Variants in ZFYVE9 observed in about 807,000 individuals in gnomAD.
The protein encoded by ZFYVE9 is zinc finger FYVE domain-containing protein 9.
Under a neutral mutation model 126.7 loss-of-function variants are expected in ZFYVE9, and 43 were observed. That is an observed-to-expected ratio of 0.34 (90% CI 0.27 to 0.44). ZFYVE9 has a LOEUF of 0.44. Ranked by LOEUF, ZFYVE9 falls within the 20% of genes least tolerant of loss-of-function variation. The pLI, the probability that ZFYVE9 is intolerant of heterozygous loss-of-function variation, is 1.00. For synonymous variants in ZFYVE9, 521 were observed against 597.4 expected, an observed-to-expected ratio of 0.87 and a Z score of 1.87; for missense variants, 1,476 against 1,697.0, an observed-to-expected ratio of 0.87 and a Z score of 2.29.
At chr1:52,216,502 A>C in intron 2 of ZFYVE9, 28 bp downstream of exon 2, 1 of 398,442 alleles carries the variant, frequency 2.5e-6, no homozygotes, top group South Asian at 1.3e-4. Flanking sequence ...TTTCTCTTAG[A>C]GATTGAACTT....
chr1:52,297,510 A>T (rs1161759258), intron 12 of ZFYVE9, among the ~76,000 whole-genome samples: 1 of 151,546 alleles, frequency 6.6e-6, no homozygotes, highest in Non-Finnish European at 1.5e-5. Flanking sequence ...AAGTGCTGGG[A>T]TTACAGGCAT....
chr1:52,268,540 A>G lies in ZFYVE9; in HGVS notation c.2533A>G (p.Lys845Glu), dbSNP rs911800335. 8 of 1,614,214 alleles carry G rather than the reference A, an allele frequency of 5.0e-6. No individual in the cohort carries two copies. The Admixed American group carries it at 1.2e-4, about 24-fold the overall frequency. ...CAATGGAGAAGTTGCTGATGCAGCC[A>G]AATTAACAATGAATGGAACTTCCTC... ...LPNGEVADAA[K>E]LTMNGTSSAG... The change falls in exon 7 of 19, where the codon AAA (lysine) becomes GAA (glutamate). Residue 845 changes from lysine to glutamate, a missense_variant. This residue lies in a region of ZFYVE9 where 669 missense variants were observed against 902.4 expected (regional missense o/e 0.74). Transcript: ENST00000287727.
At chr1:52,210,559 A>G (rs1187612216) in intron 1 of ZFYVE9, among the ~76,000 whole-genome samples, 1 of 152,176 alleles carries the variant, frequency 6.6e-6, no homozygotes, top group Non-Finnish European at 1.5e-5. Flanking sequence ...CTGCTGTTCC[A>G]TTTGAATTAC....
At chr1:52,148,419 C>T (rs151240627) in intron 1 of ZFYVE9, among the ~76,000 whole-genome samples, 7,983 of 151,598 alleles carry the variant, frequency 0.053, 227 homozygotes, top group South Asian at 0.074. Context: ...ACCAGGGAGG[C>T]GGAGGTTGCA....
At chr1:52,331,843 A>G (rs989422940) in intron 13 of ZFYVE9, among the ~76,000 whole-genome samples, 2 of 139,356 alleles carry the variant, frequency 1.4e-5, no homozygotes, top group African/African-American at 2.7e-5. Flanking sequence ...CAGTGGTGCG[A>G]TCTTGGCTCA....
intron 13 of ZFYVE9, among the ~76,000 whole-genome samples, chr1:52,312,925 T>A (rs1172667838): frequency 6.6e-6 from 1 of 152,106 alleles, no homozygotes; most frequent in Non-Finnish European, 1.5e-5. Context: ...ACAAAGGTAA[T>A]CAAGTTTAAA....
rs1213905255 is a variant in ZFYVE9, at chr1:52,216,459, G to T, written c.-52G>T. 2 of 398,362 alleles carry T rather than the reference G, an allele frequency of 5.0e-6. No individual in the cohort carries two copies. Among genetic ancestry groups the T allele is most frequent in the East Asian group, 7.1e-5 (2 of 28,088 alleles). The allele number at this position is 398,362 out of a possible 1,614,324, so 24.7% of individuals were successfully genotyped here. On this transcript the variant is annotated 5_prime_UTR_variant, in exon 2 of 19. Transcript: ENST00000287727. ...CCGAGAAGTCTGTTCCTTATCACGT[G>T]TGTAAGGGGAAAAAGGTAAGAAAAT...
At chr1:52,175,936 T>C (rs1644623206) in intron 1 of ZFYVE9, among the ~76,000 whole-genome samples, 1 of 152,212 alleles carries the variant, frequency 6.6e-6, no homozygotes, top group South Asian at 2.1e-4. Flanking sequence ...TTGCCTTTGG[T>C]TTGAATTTCC....
intron 9 of ZFYVE9, among the ~76,000 whole-genome samples, chr1:52,280,100 G>C (rs953149129): frequency 6.6e-6 from 1 of 151,722 alleles, no homozygotes; most frequent in Non-Finnish European, 1.5e-5. Flanking sequence ...CCTAAGACCA[G>C]GCACCATGGT....
chr1:52,193,504 C>G (rs1401210578), intron 1 of ZFYVE9, among the ~76,000 whole-genome samples: 1 of 150,588 alleles, frequency 6.6e-6, no homozygotes, highest in Admixed American at 6.6e-5. Flanking sequence ...GTCAGGAGAT[C>G]GAGACCAGCC....
intron 1 of ZFYVE9, among the ~76,000 whole-genome samples, chr1:52,167,189 A>G (rs2124519345): frequency 6.6e-6 from 1 of 152,316 alleles, no homozygotes; most frequent in South Asian, 2.1e-4. Context: ...AGGCAGCTGC[A>G]GTTGCTCTGT....
At chr1:52,325,630 AG>A (rs1177442710) in intron 13 of ZFYVE9, among the ~76,000 whole-genome samples, 1 of 152,254 alleles carries the variant, frequency 6.6e-6, no homozygotes, top group East Asian at 1.9e-4. Context: ...ATTAACTCTC[AG>A]TATAGTTTTA....
intron 10 of ZFYVE9, among the ~76,000 whole-genome samples, chr1:52,292,469 CTTTTTTT>C (rs1159852399): frequency 8.8e-5 from 9 of 101,996 alleles, no homozygotes; most frequent in South Asian, 3.1e-4. Flanking sequence ...CTGAACATTT[CTTTTTTT>C]TTTTTTTTTT....
chr1:52,253,087 G>A (rs1645468313), intron 4 of ZFYVE9, among the ~76,000 whole-genome samples: 1 of 152,160 alleles, frequency 6.6e-6, no homozygotes, highest in African/African-American at 2.4e-5. Flanking sequence ...CAGGGTAATC[G>A]AGGCTGCAGT....
At chr1:52,276,916 A>C (rs906640830) in intron 8 of ZFYVE9, among the ~76,000 whole-genome samples, 3 of 152,220 alleles carry the variant, frequency 2.0e-5, no homozygotes, top group Admixed American at 6.5e-5. Context: ...TGCTCCTTGC[A>C]TGGTGCTAGG....
At position 52,261,506 on chromosome 1, in the gene ZFYVE9, T is replaced by C. The variant is rs1324129594; in HGVS notation, c.2179-2267T>C. Among the ~76,000 whole-genome samples, 4 of 152,224 alleles carry C rather than the reference T, an allele frequency of 2.6e-5. No individual in the cohort carries two copies. The East Asian group carries it at 5.8e-4, about 22-fold the overall frequency. On this transcript the variant is annotated intron_variant, in intron 4 of 18. Transcript: ENST00000287727. ...CGTTTTGTTTTCTGCCACATCCCCA[T>C]TGGGTAGCTTGGTGCCCAGTACATA...
intron 1 of ZFYVE9, among the ~76,000 whole-genome samples, chr1:52,166,687 A>T (rs980137540): frequency 6.6e-6 from 1 of 152,058 alleles, no homozygotes; most frequent in Non-Finnish European, 1.5e-5. Flanking sequence ...CCAAGGTAGG[A>T]GCATTGCTTG....
At chr1:52,256,048 TC>T (rs1222914813) in intron 4 of ZFYVE9, among the ~76,000 whole-genome samples, 1 of 147,980 alleles carries the variant, frequency 6.8e-6, no homozygotes, top group Non-Finnish European at 1.5e-5. Context: ...TTTCTTTCTC[TC>T]TCTCTCTCTC....
chr1:52,206,699 G>A (rs1644981078), intron 1 of ZFYVE9, among the ~76,000 whole-genome samples: 1 of 152,104 alleles, frequency 6.6e-6, no homozygotes, highest in Non-Finnish European at 1.5e-5. Context: ...ACAGGTGCCT[G>A]CCACCACACC....
Sources: gnomAD v4.1 joint callset for allele counts (sites outside exome capture counted in the v4.1 genomes callset) on GRCh38, gnomAD v4.1.1 for gene constraint, gnomAD v4.1.1 regional missense constraint, MANE v1.5 for transcripts, NCBI Gene and HGNC (gene_info 2026-07-23, HGNC 2026-07-21) for gene names.